Variants in PPP4R4 observed in about 807,000 individuals in gnomAD.
The protein encoded by PPP4R4 is protein phosphatase 4 regulatory subunit 4, also known as serine/threonine-protein phosphatase 4 regulatory subunit 4.
A neutral mutation model predicts 121.8 loss-of-function variants in PPP4R4; 70 were observed. The ratio of observed to expected loss-of-function variants is 0.57; its 90% CI spans 0.47 to 0.70. The LOEUF (loss-of-function observed/expected upper bound fraction) is 0.70, where lower values mean the gene tolerates loss of function less well. PPP4R4 is among the 30% of genes least tolerant of loss of function. The pLI is 0.00. For missense variants in PPP4R4, 875 were observed against 1,033.6 expected (o/e 0.85, Z 2.10); for synonymous variants, 348 against 355.7 (o/e 0.98, Z 0.24).
intron 8 of PPP4R4, among the ~76,000 whole-genome samples, chr14:94,239,081 C>T (rs570357618): frequency 6.6e-6 from 1 of 152,192 alleles, no homozygotes; most frequent in Non-Finnish European, 1.5e-5. Context: ...TCTGATGCTC[C>T]AGTCCCACTT....
chr14:94,186,805 T>G, intron 2 of PPP4R4, among the ~76,000 whole-genome samples: 1 of 152,188 alleles, frequency 6.6e-6, no homozygotes, highest in East Asian at 1.9e-4. Context: ...GTGTGTAGTG[T>G]TATTTCATTG....
At position 94,246,370 on chromosome 14, in the gene PPP4R4, C is replaced by G. The variant is rs1359203642; in HGVS notation, c.1442C>G (p.Pro481Arg). The G allele has an allele frequency of 6.2e-7, 1 of 1,600,780 alleles. No individual in the cohort carries two copies. The highest frequency in any genetic ancestry group is 8.5e-7 in the Non-Finnish European group (1 of 1,176,392). Residue 481 changes from proline to arginine, a missense_variant, in exon 14 of 25, where the codon CCT becomes CGT. Transcript: ENST00000304338. ...SVQENKLSSL[P>R]DLIPALTAAE... ...TTTCATTTTCAGTTATCTTCTCTGC[C>G]TGACTTGATTCCAGCACTCACAGCT...
intron 2 of PPP4R4, among the ~76,000 whole-genome samples, chr14:94,187,816 T>C (rs1889370072): frequency 6.6e-6 from 1 of 152,214 alleles, no homozygotes; most frequent in South Asian, 2.1e-4. Context: ...GTTTGTGTGA[T>C]GTTATTTCTC....
intron 3 of PPP4R4, among the ~76,000 whole-genome samples, chr14:94,219,426 TAAATG>T (rs1412009539): frequency 2.0e-5 from 3 of 152,162 alleles, no homozygotes; most frequent in Non-Finnish European, 4.4e-5. Flanking sequence ...TTTACATGAA[TAAATG>T]AGCACTGGAA....
intron 14 of PPP4R4, among the ~76,000 whole-genome samples, chr14:94,248,863 C>G (rs555840768): frequency 1.3e-5 from 2 of 152,184 alleles, no homozygotes; most frequent in South Asian, 4.1e-4. Context: ...TATCAATTTT[C>G]AGAGCTAGGA....
intron 16 of PPP4R4, among the ~76,000 whole-genome samples, chr14:94,253,224 C>T (rs974702227): frequency 4.6e-5 from 7 of 152,098 alleles, no homozygotes; most frequent in East Asian, 1.9e-4. Flanking sequence ...TTTGGGAGGC[C>T]GAGGCAGACA....
chr14:94,224,582 A>C (rs1322837542), intron 3 of PPP4R4, among the ~76,000 whole-genome samples: 2 of 152,300 alleles, frequency 1.3e-5, no homozygotes, highest in South Asian at 4.1e-4. Context: ...AGTGGCACAC[A>C]CTAAGATAGG....
intron 2 of PPP4R4, among the ~76,000 whole-genome samples, chr14:94,199,438 C>T (rs1426799012): frequency 6.6e-6 from 1 of 152,140 alleles, no homozygotes; most frequent in African/African-American, 2.4e-5. Context: ...GCATGTGTTA[C>T]AGGGTGCTCT....
At chr14:94,225,440 G>A (rs914226162) in intron 3 of PPP4R4, among the ~76,000 whole-genome samples, 4 of 145,968 alleles carry the variant, frequency 2.7e-5, no homozygotes, top group African/African-American at 7.6e-5. Context: ...TCCCTGATAA[G>A]CCCCTCTGCA....
chr14:94,233,688 C>T lies in PPP4R4; in HGVS notation c.552C>T (p.Ser184=), dbSNP rs1332726536. 3 of 1,603,594 alleles carry T rather than the reference C, an allele frequency of 1.9e-6. No individual in the cohort carries two copies. The South Asian group carries it at 3.4e-5, about 18-fold the overall frequency. The change falls in exon 6 of 25, where the codon TCC becomes TCT. Residue 184 remains serine, a synonymous_variant. Transcript: ENST00000304338. ...CACTTGTTTCCAAGGCACAACTTTC[C>T]CAAACAGTCCAGTCTCGTTTAGTTA... is the stretch of plus-strand genomic sequence containing the variant. ...LNPLVSKAQL[S]QTVQSRLVSC...
At chr14:94,277,363 C>G (rs1248344897) in intron 24 of PPP4R4, among the ~76,000 whole-genome samples, 1 of 152,164 alleles carries the variant, frequency 6.6e-6, no homozygotes, top group East Asian at 1.9e-4. Flanking sequence ...GCTTTGTGTG[C>G]CTCGTTCCCA....
chr14:94,190,725 C>T (rs1012012877), intron 2 of PPP4R4, among the ~76,000 whole-genome samples: 1 of 152,116 alleles, frequency 6.6e-6, no homozygotes, highest in Admixed American at 6.6e-5. Flanking sequence ...ACAATGTTCC[C>T]AGAACTCTTC....
chr14:94,207,931 T>TTAA (rs1890549116), intron 2 of PPP4R4, among the ~76,000 whole-genome samples: 1 of 151,908 alleles, frequency 6.6e-6, no homozygotes. Flanking sequence ...CTGCTGATCT[T>TTAA]TAAGAGTATT....
chr14:94,239,669 G>GT (rs148118340), intron 8 of PPP4R4, among the ~76,000 whole-genome samples: 1 of 152,220 alleles, frequency 6.6e-6, no homozygotes, highest in African/African-American at 2.4e-5. Flanking sequence ...GTCTGTGGCT[G>GT]TTTTTGTGAT....
chr14:94,217,015 G>T (rs1472576326), intron 3 of PPP4R4, among the ~76,000 whole-genome samples: 2 of 152,114 alleles, frequency 1.3e-5, no homozygotes, highest in Admixed American at 1.3e-4. Context: ...CGCACCCCAA[G>T]ATACAAAGTT....
At chr14:94,217,290 G>GACC (rs1566663715) in intron 3 of PPP4R4, among the ~76,000 whole-genome samples, 3 of 152,114 alleles carry the variant, frequency 2.0e-5, no homozygotes, top group Non-Finnish European at 4.4e-5. Context: ...GGTAATAGTG[G>GACC]CCCACTATTG....
chr14:94,249,287 C>T (rs1481192803), intron 14 of PPP4R4, among the ~76,000 whole-genome samples: 1 of 151,756 alleles, frequency 6.6e-6, no homozygotes, highest in Admixed American at 6.6e-5. Flanking sequence ...ATAGGAAATA[C>T]CCTCTTTTTA....
Position 94,275,438 on chromosome 14 carries a change from A to T in PPP4R4, c.2514A>T (p.Leu838Phe), listed in dbSNP as rs749522292. ...CTTCCTTTTCTCCTAATACTCCCTT[A>T]CCGAGTACTTCCCGTGGGACAGGTA... ...VPSSFSPNTP[L>F]PSTSRGTGNS... Residue 838 changes from leucine (L) to phenylalanine (F), a missense_variant, in exon 24 of 25, where the codon TTA becomes TTT. Coordinates refer to ENST00000304338, the MANE Select transcript of PPP4R4 (RefSeq NM_058237.2). The T allele has an allele frequency of 3.7e-6, 6 of 1,613,928 alleles. No homozygotes were observed. Among genetic ancestry groups the T allele is most frequent in the Non-Finnish European group, 5.1e-6 (6 of 1,179,898 alleles).
intron 3 of PPP4R4, among the ~76,000 whole-genome samples, chr14:94,215,243 T>C (rs898955912): frequency 6.6e-6 from 1 of 152,182 alleles, no homozygotes; most frequent in Non-Finnish European, 1.5e-5. Context: ...GCTTAAAAAA[T>C]TCAGTGTTTA....
Sources: allele counts gnomAD v4.1 joint callset (sites outside exome capture counted in the v4.1 genomes callset), GRCh38; gene constraint gnomAD v4.1.1; transcripts MANE v1.5; gene names NCBI Gene and HGNC (gene_info 2026-07-23, HGNC 2026-07-21).